Variants in ADK observed in about 807,000 individuals in gnomAD.
ADK encodes N6,N6-dimethyladenosine kinase.
ADK carries 24 observed loss-of-function variants against 44.7 expected under a neutral mutation model. The ratio of observed to expected loss-of-function variants is 0.54; its 90% CI spans 0.39 to 0.76. ADK has a LOEUF of 0.76. Among genes scored for constraint, ADK ranks in the 30% least tolerant of loss-of-function variants. The pLI, the probability that ADK is intolerant of heterozygous loss-of-function variation, is 0.00. For missense variants in ADK, 321 were observed against 425.1 expected (o/e 0.76, Z 2.15); for synonymous variants, 128 against 142.6 (o/e 0.90, Z 0.73).
At chr10:74,257,871 C>CT (rs1845886186) in intron 3 of ADK, among the ~76,000 whole-genome samples, 1 of 152,124 alleles carries the variant, frequency 6.6e-6, no homozygotes, top group South Asian at 2.1e-4. Flanking sequence ...AACTTATTGT[C>CT]TCTGTGTCAT....
intron 6 of ADK, among the ~76,000 whole-genome samples, chr10:74,511,564 T>C (rs1347911953): frequency 6.6e-6 from 1 of 152,206 alleles, no homozygotes; most frequent in Non-Finnish European, 1.5e-5. Context: ...TTCTAGCTAT[T>C]GTAAATGAGG....
intron 3 of ADK, among the ~76,000 whole-genome samples, chr10:74,277,381 C>G (rs186588607): frequency 1.2e-3 from 170 of 147,652 alleles, no homozygotes; most frequent in African/African-American, 4.0e-3. Context: ...TTTTAAATTT[C>G]TTTTGTTTTG....
chr10:74,192,468 C>T (rs1025456133), intron 1 of ADK, among the ~76,000 whole-genome samples: 4 of 151,448 alleles, frequency 2.6e-5, no homozygotes, highest in African/African-American at 7.3e-5. Context: ...CCTTGTGATC[C>T]GCCCGCCTCG....
chr10:74,581,021 T>TACACACACAC (rs143153735), intron 7 of ADK, among the ~76,000 whole-genome samples: 20 of 145,244 alleles, frequency 1.4e-4, no homozygotes, highest in African/African-American at 2.6e-4. Flanking sequence ...CAATAATAAA[T>TACACACACAC]ACACACACAC....
intron 1 of ADK, chr10:74,174,329 A>AG (rs1842257281): frequency 6.6e-6 from 1 of 151,568 alleles, no homozygotes; most frequent in African/African-American, 2.4e-5. Context: ...AAAAAAAAAA[A>AG]AAAAAAAAAG....
At chr10:74,322,511 C>T (rs1564653050) in intron 4 of ADK, among the ~76,000 whole-genome samples, 1 of 152,072 alleles carries the variant, frequency 6.6e-6, no homozygotes, top group Non-Finnish European at 1.5e-5. Context: ...TGAATTAATA[C>T]TCCTCTTTGC....
chr10:74,168,260 C>G (rs1298808734), intron 1 of ADK, among the ~76,000 whole-genome samples: 1 of 152,148 alleles, frequency 6.6e-6, no homozygotes, highest in Non-Finnish European at 1.5e-5. Flanking sequence ...AGATTGTGAG[C>G]TGGGCGCGGT....
At chr10:74,293,039 A>G (rs1416654247) in intron 3 of ADK, among the ~76,000 whole-genome samples, 1 of 151,942 alleles carries the variant, frequency 6.6e-6, no homozygotes, top group African/African-American at 2.4e-5. Context: ...GTGGTGGTGC[A>G]TGCTTGTGGT....
At chr10:74,636,076 G>T (rs529483578) in intron 9 of ADK, among the ~76,000 whole-genome samples, 1 of 151,826 alleles carries the variant, frequency 6.6e-6, no homozygotes, top group Admixed American at 6.6e-5. Context: ...TGGCAACAGA[G>T]TGAGACCCTA....
intron 7 of ADK, among the ~76,000 whole-genome samples, chr10:74,548,343 A>G (rs1476655658): frequency 6.6e-6 from 1 of 152,232 alleles, no homozygotes; most frequent in East Asian, 1.9e-4. Context: ...ACAGAAGAGG[A>G]TAATTAAATG....
intron 1 of ADK, among the ~76,000 whole-genome samples, chr10:74,169,416 G>T (rs1473084218): frequency 6.6e-6 from 1 of 152,092 alleles, no homozygotes; most frequent in Non-Finnish European, 1.5e-5. Flanking sequence ...GTGTTATCTT[G>T]TACTTTCAGA....
chr10:74,507,659 G>A (rs556191375), intron 6 of ADK, among the ~76,000 whole-genome samples: 27 of 152,042 alleles, frequency 1.8e-4, no homozygotes, highest in Non-Finnish European at 3.5e-4. Flanking sequence ...AGTGACATGG[G>A]ATTTTGTGTA....
rs547448400 is a variant in ADK at position 74,295,294 on chromosome 10, T to C, written c.195-19373T>C. ...CTGGCCAACATGGTGAAACCCCGTT[T>C]CTACTAAAAATACAAAAATTAGCCG... On this transcript the variant is annotated intron_variant, in intron 3 of 10. Coordinates refer to ENST00000539909, the MANE Select transcript of ADK (RefSeq NM_006721.4). Among the ~76,000 whole-genome samples, 203 of 151,754 alleles carry C rather than the reference T, an allele frequency of 1.3e-3. 1 individual carries two copies. Among genetic ancestry groups the C allele is most frequent in the African/African-American group, 4.6e-3 (191 of 41,434 alleles).
chr10:74,488,374 CGTGTGTGTGTGTGT>C (rs60178427), intron 6 of ADK, among the ~76,000 whole-genome samples: 6 of 140,766 alleles, frequency 4.3e-5, no homozygotes, highest in Non-Finnish European at 7.8e-5. Context: ...GGAAAAAAGA[CGTGTGTGTGTGTGT>C]GTGTGTGTGT....
chr10:74,377,707 G>T (rs1842857525), intron 4 of ADK, among the ~76,000 whole-genome samples: 2 of 152,118 alleles, frequency 1.3e-5, no homozygotes, highest in South Asian at 2.1e-4. Flanking sequence ...GTCAGTGGAA[G>T]AATTTTCCAT....
At position 74,335,592 on chromosome 10, in the gene ADK, C is replaced by T. The variant is rs778918688; in HGVS notation, c.273+20847C>T. Among the ~76,000 whole-genome samples the T allele has an allele frequency of 1.2e-3, 186 of 152,238 alleles. 2 individuals are homozygous for T. The highest frequency in any genetic ancestry group is 2.3e-3 in the Non-Finnish European group (156 of 68,004). On this transcript the variant is annotated intron_variant, in intron 4 of 10. Coordinates refer to ENST00000539909, the MANE Select transcript of ADK (RefSeq NM_006721.4). ...ACGTTTTTGTGTTAACATAAATTTT[C>T]ATTTTACTAGATGTATTGCCAAACT...
intron 3 of ADK, among the ~76,000 whole-genome samples, chr10:74,273,090 C>T (rs1846502612): frequency 6.6e-6 from 1 of 151,934 alleles, no homozygotes; most frequent in Non-Finnish European, 1.5e-5. Flanking sequence ...AGCCCTGATC[C>T]TCCTTCAAGG....
chr10:74,356,018 T>G (rs1430234748), intron 4 of ADK, among the ~76,000 whole-genome samples: 2 of 135,176 alleles, frequency 1.5e-5, no homozygotes, highest in African/African-American at 5.5e-5. Flanking sequence ...TTTTTTTTTT[T>G]TTTTTTTTTT....
intron 4 of ADK, among the ~76,000 whole-genome samples, chr10:74,326,774 A>G (rs1259237195): frequency 6.6e-6 from 1 of 151,986 alleles, no homozygotes; most frequent in Non-Finnish European, 1.5e-5. Context: ...AAATTTTGGT[A>G]GATTATATAT....
Sources: allele counts gnomAD v4.1 joint callset (sites outside exome capture counted in the v4.1 genomes callset), GRCh38; gene constraint gnomAD v4.1.1; transcripts MANE v1.5; gene names NCBI Gene and HGNC (gene_info 2026-07-23, HGNC 2026-07-21).